DOT1L: variants seen among roughly 807,000 people sequenced by gnomAD.
DOT1L encodes the protein DOT1 like histone lysine methyltransferase.
In DOT1L, 33 loss-of-function variants were observed where a neutral mutation model predicts 153.3. The observed-to-expected ratio is 0.22, with a 90% confidence interval of 0.16 to 0.29. DOT1L has a LOEUF of 0.29. Among genes scored for constraint, DOT1L ranks in the 10% least tolerant of loss-of-function variants. The pLI is 1.00. For missense variants in DOT1L, 1,847 were observed against 2,119.9 expected (o/e 0.87, Z 2.53); for synonymous variants, 1,135 against 965.1 (o/e 1.18, Z -3.26).
At chr19:2,183,587 G>C (rs2022345792) in intron 2 of DOT1L, among the ~76,000 whole-genome samples, 1 of 151,994 alleles carries the variant, frequency 6.6e-6, no homozygotes, top group African/African-American at 2.4e-5. Context: ...TTGGGGAAAG[G>C]GGCGTTTAAA....
chr19:2,208,095 G>A lies in DOT1L; in HGVS notation c.963+415G>A, dbSNP rs1000861012. On this transcript the variant is annotated intron_variant, in intron 11 of 27. Coordinates refer to ENST00000398665, the MANE Select transcript of DOT1L (RefSeq NM_032482.3). The surrounding 1 kb of genome is among the most constrained non-coding windows in gnomAD (Gnocchi z 4.4). ...GGGGAGACACCAGGGTCCATGGGTG[G>A]GGTCTGGGATGCTTCTTCCCTCCCT... 1.3e-5 allele frequency among the ~76,000 whole-genome samples: 2 copies of A among 152,114 alleles called. No individual in the cohort carries two copies. Among genetic ancestry groups the A allele is most frequent in the African/African-American group, 4.8e-5 (2 of 41,400 alleles).
rs751896276 is a variant in DOT1L, at chr19:2,211,260, T to G, written c.1465+48T>G. On this transcript the variant is annotated intron_variant, in intron 15 of 27. Transcript: ENST00000398665. The stretch of plus-strand genomic sequence containing the variant: ...GCGAAGGGTTCTGGGCTTGGGGTCA[T>G]CCCAGGAGGACCGTGGGTTGTGACG... The G allele has an allele frequency of 2.7e-6, 4 of 1,503,134 alleles. No individual in the cohort carries two copies. In the Admixed American group the frequency reaches 7.5e-5, roughly 28 times the overall value. 93.1% of individuals were successfully genotyped at this position (1,503,134 alleles called of 1,614,324 possible). A position where few individuals can be genotyped will look rare whatever the true frequency, so the allele number is the denominator to read the frequency against.
chr19:2,181,135 G>T (rs2022211050), intron 2 of DOT1L, among the ~76,000 whole-genome samples: 1 of 152,230 alleles, frequency 6.6e-6, no homozygotes, highest in South Asian at 2.1e-4. Flanking sequence ...ACTTGGATGG[G>T]CAGGAGGCGG....
intron 3 of DOT1L, among the ~76,000 whole-genome samples, chr19:2,186,837 A>AC (rs911813183): frequency 6.6e-6 from 1 of 151,752 alleles, no homozygotes; most frequent in African/African-American, 2.4e-5. Context: ...GCCTCTCGCC[A>AC]CCCCCCCTCA....
chr19:2,223,039 G>A (rs565183320), intron 24 of DOT1L, among the ~76,000 whole-genome samples: 3 of 152,082 alleles, frequency 2.0e-5, no homozygotes, highest in South Asian at 2.1e-4. Flanking sequence ...CTTCATTCTC[G>A]GCTGTGGGGC....
Position 2,204,813 on chromosome 19 carries a change from G to T in DOT1L, c.788-1916G>T, listed in dbSNP as rs1390420304. 1.3e-5 allele frequency among the ~76,000 whole-genome samples: 2 copies of T among 152,124 alleles called. No homozygotes were observed. Among genetic ancestry groups the T allele is most frequent in the African/African-American group, 4.8e-5 (2 of 41,416 alleles). ...TTGAGGTCCTCTGGTAGGGATACTGGCCTAACCTGTGTGCCCAGCCTGGCC... is the reference window on the plus strand; with the variant it reads ...TTGAGGTCCTCTGGTAGGGATACTGTCCTAACCTGTGTGCCCAGCCTGGCC... On this transcript the variant is annotated intron_variant, in intron 9 of 27. Transcript: ENST00000398665. The surrounding 1 kb of genome is among the most constrained non-coding windows in gnomAD (Gnocchi z 5.7).
chr19:2,167,314 T>G (rs1362183141), intron 1 of DOT1L, among the ~76,000 whole-genome samples: 1 of 152,244 alleles, frequency 6.6e-6, no homozygotes, highest in Non-Finnish European at 1.5e-5. Flanking sequence ...CGTCGGGGCC[T>G]GGGGTAGTGG....
At chr19:2,200,276 C>T (rs2023197438) in intron 8 of DOT1L, among the ~76,000 whole-genome samples, 1 of 151,610 alleles carries the variant, frequency 6.6e-6, no homozygotes, top group Admixed American at 6.6e-5. Context: ...GGGGGTCTTC[C>T]TGTCTCCATC....
chr19:2,205,095 C>T (rs542869360), intron 9 of DOT1L, among the ~76,000 whole-genome samples: 4 of 152,118 alleles, frequency 2.6e-5, no homozygotes, highest in South Asian at 2.1e-4. Context: ...CTCAGCCTCC[C>T]GAGTAGCTGG....
chr19:2,186,838 C>T (rs754313111), intron 3 of DOT1L, among the ~76,000 whole-genome samples: 1 of 152,324 alleles, frequency 6.6e-6, no homozygotes, highest in African/African-American at 2.4e-5. Flanking sequence ...CCTCTCGCCA[C>T]CCCCCCTCAT....
intron 2 of DOT1L, among the ~76,000 whole-genome samples, chr19:2,181,338 G>A (rs900035880): frequency 7.9e-5 from 12 of 152,192 alleles, no homozygotes; most frequent in Admixed American, 1.3e-4. Context: ...GTGTCCATGT[G>A]GCCCTGGCGT....
At chr19:2,186,320 A>T (rs1281079892) in intron 3 of DOT1L, among the ~76,000 whole-genome samples, 2 of 151,648 alleles carry the variant, frequency 1.3e-5, no homozygotes, top group Admixed American at 1.3e-4. Flanking sequence ...GGGTTTGGTT[A>T]GTCCCTCTGT....
chr19:2,200,959 G>A (rs35624732), intron 8 of DOT1L, among the ~76,000 whole-genome samples: 3 of 104,442 alleles, frequency 2.9e-5, no homozygotes, highest in Non-Finnish European at 3.9e-5. Flanking sequence ...CGTCCTCCCC[G>A]CATTCCTCGT....
Position 2,199,501 on chromosome 19 carries a change from G to A in DOT1L, c.652-383G>A, listed in dbSNP as rs191600595. ...GGGACTGCAGGCCCTGCCTCGGGGC[G>A]CCCCTGCTGGCCGCCTCTGGTCCTG... On this transcript the variant is annotated intron_variant, in intron 7 of 27. Coordinates refer to ENST00000398665, the MANE Select transcript of DOT1L (RefSeq NM_032482.3). Among the ~76,000 whole-genome samples, 472 of 152,350 alleles carry A rather than the reference G, an allele frequency of 3.1e-3. 6 individuals carry two copies. The highest frequency in any genetic ancestry group is 0.01 in the African/African-American group (416 of 41,584).
At position 2,211,118 on chromosome 19, in the gene DOT1L, C is replaced by T. The variant is rs755863820; in HGVS notation, c.1371C>T (p.His457=). The T allele has an allele frequency of 2.0e-5, 32 of 1,613,008 alleles. No individual in the cohort carries two copies. The highest frequency in any genetic ancestry group is 1.3e-4 in the Admixed American group (8 of 59,990). ...TCCCAGATGCCTACAGATCCCCTCA[C>T]AGCCCGTTCTACCAGCTACCTCCGA... ...SSPQDAYRSP[H]SPFYQLPPSV... is the part of the protein sequence containing the mutation. The change falls in exon 15 of 28, where the codon CAC becomes CAT. Residue 457 remains histidine, a synonymous_variant. Transcript: ENST00000398665.
intron 1 of DOT1L, among the ~76,000 whole-genome samples, chr19:2,173,229 C>T (rs2021741395): frequency 6.6e-6 from 1 of 151,978 alleles, no homozygotes; most frequent in Admixed American, 6.6e-5. Context: ...CCACGAGTCC[C>T]GCGCTTTCCT....
At chr19:2,229,672 C>G in intron 27 of DOT1L, 113 bp from the exon 28 acceptor site, 1 of 1,601,486 alleles carries the variant, frequency 6.2e-7, no homozygotes, top group South Asian at 1.1e-5. Context: ...GGTGCTGGCC[C>G]CAGGTGGCGT....
chr19:2,202,848 G>T (rs542344575), intron 9 of DOT1L, 69 bp downstream of exon 9: 7 of 1,537,756 alleles, frequency 4.6e-6, no homozygotes, highest in African/African-American at 4.1e-5. Flanking sequence ...GGAGGTCCCC[G>T]CAGGGTGTCC....
rs567619285 is a variant in DOT1L, at chr19:2,228,634, GC to G, written c.4607-1149del. 2.0e-3 allele frequency: 1,943 copies of G among 985,384 alleles called. 1 individual carries two copies. The highest frequency in any genetic ancestry group is 2.8e-3 in the Admixed American group (46 of 16,290). 61.0% of individuals were successfully genotyped at this position (985,384 alleles called of 1,614,324 possible). A position where few individuals can be genotyped will look rare whatever the true frequency, so the allele number is the denominator to read the frequency against. On this transcript the variant is annotated intron_variant, in intron 27 of 27. Transcript: ENST00000398665. ...CCTGCGGTGACGCCGCAGGACTGAG[GC>G]CAGCCCTGGGGGCAGCTGTGCCAGC...
Sources: allele counts gnomAD v4.1 joint callset (sites outside exome capture counted in the v4.1 genomes callset), GRCh38; gene constraint gnomAD v4.1.1; non-coding constraint Gnocchi (gnomAD v3.1); transcripts MANE v1.5; gene names NCBI Gene and HGNC (gene_info 2026-07-23, HGNC 2026-07-21).